POP1: variants seen among roughly 807,000 people sequenced by gnomAD.
POP1 encodes ribonucleases P/MRP protein subunit POP1.
Under a neutral mutation model 102.2 loss-of-function variants are expected in POP1, and 75 were observed. The ratio of observed to expected loss-of-function variants is 0.73; its 90% confidence interval spans 0.61 to 0.89. POP1 has a LOEUF of 0.89. Among genes scored for constraint, POP1 ranks in the 40% least tolerant of loss-of-function variants. The pLI, the probability that POP1 is intolerant of heterozygous loss-of-function variation, is 0.00. For synonymous variants in POP1, 436 were observed against 464.1 expected, an observed-to-expected ratio of 0.94 and a Z score of 0.78; for missense variants, 1,116 against 1,267.4, an observed-to-expected ratio of 0.88 and a Z score of 1.81.
intron 8 of POP1, 27 bp downstream of exon 8, chr8:98,136,765 A>G (rs769866528): frequency 1.4e-5 from 23 of 1,612,964 alleles, no homozygotes; most frequent in Non-Finnish European, 1.9e-5. Flanking sequence ...CTTTGAACCT[A>G]CTGAACATTT....
intron 14 of POP1, chr8:98,155,840 G>T (rs1231027205): frequency 1.7e-5 from 9 of 545,400 alleles, no homozygotes; most frequent in African/African-American, 3.8e-5. Context: ...CTCCTAAAGT[G>T]CTGGGATTAC....
Position 98,136,695 on chromosome 8 carries a change from C to G in POP1, c.1225C>G (p.Leu409Val). The G allele has an allele frequency of 6.2e-7, 1 of 1,613,312 alleles. No individual in the cohort carries two copies. The highest frequency in any genetic ancestry group is 8.5e-7 in the Non-Finnish European group (1 of 1,179,198). The change falls in exon 8 of 16, where the codon CTA (leucine) becomes GTA (valine). Residue 409 changes from leucine (L) to valine (V), a missense_variant. Transcript: ENST00000401707. ...IIGDGTRDPC[L>V]PYSWISPTTG... ...CGGTGATGGAACTAGAGATCCATGT[C>G]TACCATACTCTTGGATCTCTCCAAC...
At position 98,134,584 on chromosome 8, in the gene POP1, GA is replaced by G; in HGVS notation, c.938del (p.Lys313SerfsTer28). The G allele has an allele frequency of 6.2e-7, 1 of 1,614,156 alleles. No individual in the cohort carries two copies. Among genetic ancestry groups the G allele is most frequent in the Non-Finnish European group, 8.5e-7 (1 of 1,180,004 alleles). On this transcript the variant is annotated frameshift_variant, in exon 7 of 16. Coordinates refer to ENST00000401707, the MANE Select transcript of POP1 (RefSeq NM_001145860.2). LOFTEE classifies it high-confidence loss of function. ...TGCTTGGGCCTGTTACGTTTATCTG[GA>G]AGTCCCAGAGGACCCCGGGTGACCC... Reference protein sequence around the residue: ...EMLGPVTFIWKSQRTPGDPSE... With the variant: ...EMLGPVTFIWXSQRTPGDPSE...
At chr8:98,119,609 C>G (rs975863381) in intron 1 of POP1, among the ~76,000 whole-genome samples, 4 of 152,066 alleles carry the variant, frequency 2.6e-5, no homozygotes, top group African/African-American at 4.8e-5. Context: ...GGGTCTTGCT[C>G]TGTCACCCAG....
intron 1 of POP1, among the ~76,000 whole-genome samples, chr8:98,121,330 G>A (rs1816013941): frequency 6.6e-6 from 1 of 152,144 alleles, no homozygotes. Context: ...CTCAGTGGAA[G>A]TGGGCAAATT....
intron 2 of POP1, among the ~76,000 whole-genome samples, chr8:98,125,645 A>G (rs566501577): frequency 1.2e-4 from 18 of 152,042 alleles, no homozygotes; most frequent in Non-Finnish European, 2.5e-4. Context: ...GGTTCAAGCA[A>G]TTATCCTGCC....
At position 98,148,844 on chromosome 8, in the gene POP1, G is replaced by A; in HGVS notation, c.1740G>A (p.Leu580=). The A allele has an allele frequency of 6.2e-7, 1 of 1,613,644 alleles. No homozygotes were observed. Residue 580 remains leucine, a synonymous_variant, in exon 13 of 16, where the codon CTG becomes CTA. Transcript: ENST00000401707. ...TAAACCGGATGAGGAGTGAATTGCTGGTGCCTGGGTCACAGCTTATTTTAG... is the reference window on the plus strand; with the variant it reads ...TAAACCGGATGAGGAGTGAATTGCTAGTGCCTGGGTCACAGCTTATTTTAG... The part of the protein sequence containing the change: ...QDLNRMRSEL[L]VPGSQLILGP...
chr8:98,151,739 G>C (rs1346538451), intron 14 of POP1, among the ~76,000 whole-genome samples: 2 of 111,750 alleles, frequency 1.8e-5, no homozygotes. Context: ...TGCCTGGCTT[G>C]CTTTTTTTTT....
In POP1 at chr8:98,158,785, A is replaced by G. The variant is rs1809728313; in HGVS notation, c.*514A>G. Reference sequence around the variant, plus strand: ...GCCGAACAACTCAAGCCTTAAAGAGAGAAATCATGGACAACTGATTTCTGC... The same window carrying G: ...GCCGAACAACTCAAGCCTTAAAGAGGGAAATCATGGACAACTGATTTCTGC... On this transcript the variant is annotated 3_prime_UTR_variant, in exon 16 of 16. Coordinates refer to ENST00000401707, the MANE Select transcript of POP1 (RefSeq NM_001145860.2). 1 of 154,402 alleles carries G rather than the reference A, an allele frequency of 6.5e-6. No individual in the cohort carries two copies. Among genetic ancestry groups the G allele is most frequent in the African/African-American group, 2.4e-5 (1 of 41,434 alleles). The allele number at this position is 154,402 out of a possible 1,614,324, so 9.6% of individuals were successfully genotyped here.
At chr8:98,127,872 C>T (rs1816257331) in intron 3 of POP1, 110 bp downstream of exon 3, 3 of 1,163,002 alleles carry the variant, frequency 2.6e-6, no homozygotes, top group Non-Finnish European at 3.8e-6. Context: ...TACCTCTCCT[C>T]TCCTCCTCCT....
In POP1 at chr8:98,158,064, G is replaced by A; in HGVS notation, c.2868G>A (p.Thr956=). The change falls in exon 16 of 16, where the codon ACG becomes ACA. Residue 956 remains threonine (T), a synonymous_variant. Transcript: ENST00000401707. ...GLWSGPLPRV[T]LHCSRTLLGF... is the part of the protein sequence containing the mutation. The stretch of plus-strand genomic sequence containing the variant: ...GGTCAGGCCCTCTGCCGCGTGTGAC[G>A]TTGCACTGCTCCAGAACTCTCCTAG... 1.2e-6 allele frequency: 2 copies of A among 1,609,530 alleles called. No individual in the cohort carries two copies. The highest frequency in any genetic ancestry group is 1.7e-6 in the Non-Finnish European group (2 of 1,179,716).
intron 11 of POP1, among the ~76,000 whole-genome samples, chr8:98,144,624 T>C (rs1816795701): frequency 6.6e-6 from 1 of 152,214 alleles, no homozygotes; most frequent in Non-Finnish European, 1.5e-5. Flanking sequence ...AGTACTTTCC[T>C]GTATCTTTAC....
intron 5 of POP1, among the ~76,000 whole-genome samples, chr8:98,131,109 G>A (rs1025644871): frequency 6.6e-6 from 1 of 152,200 alleles, no homozygotes; most frequent in African/African-American, 2.4e-5. Context: ...TTAAAAAATT[G>A]TGGTCAAATA....
intron 1 of POP1, 121 bp from the exon 2 acceptor site, chr8:98,123,215 A>G: frequency 8.5e-7 from 1 of 1,169,714 alleles, no homozygotes; most frequent in Non-Finnish European, 1.2e-6. Flanking sequence ...CAATATACTA[A>G]TAGGGTCTCT....
chr8:98,155,060 G>C, intron 14 of POP1, among the ~76,000 whole-genome samples: 1 of 152,018 alleles, frequency 6.6e-6, no homozygotes, highest in East Asian at 1.9e-4. Context: ...AGGATAGCTG[G>C]GTCACTAGAG....
chr8:98,118,618 GC>G (rs1467533700), intron 1 of POP1, among the ~76,000 whole-genome samples: 3 of 152,012 alleles, frequency 2.0e-5, no homozygotes, highest in African/African-American at 7.2e-5. Flanking sequence ...TGGAGACGGG[GC>G]TTCTTCATAT....
intron 11 of POP1, among the ~76,000 whole-genome samples, chr8:98,144,584 A>G (rs1365723632): frequency 6.6e-6 from 1 of 152,104 alleles, no homozygotes; most frequent in African/African-American, 2.4e-5. Flanking sequence ...CCTATCTATT[A>G]TTATCTTTTA....
chr8:98,133,316 T>C (rs932931708), intron 5 of POP1, among the ~76,000 whole-genome samples: 1 of 152,218 alleles, frequency 6.6e-6, no homozygotes, highest in Non-Finnish European at 1.5e-5. Context: ...TAGTCTGATC[T>C]CTCTTCATCT....
chr8:98,125,408 A>T (rs1816169588), intron 2 of POP1, among the ~76,000 whole-genome samples: 1 of 151,764 alleles, frequency 6.6e-6, no homozygotes. Context: ...CTGGTGTCAA[A>T]CTCCTAACCT....
Sources: allele counts gnomAD v4.1 joint callset (sites outside exome capture counted in the v4.1 genomes callset), GRCh38; gene constraint gnomAD v4.1.1; transcripts MANE v1.5; gene names NCBI Gene and HGNC (gene_info 2026-07-23, HGNC 2026-07-21).